Variants in ABR observed in about 807,000 individuals in gnomAD.
ABR encodes active breakpoint cluster region-related protein.
ABR carries 35 observed loss-of-function variants against 107.2 expected under a neutral mutation model. The observed-to-expected ratio is 0.33, with a 90% CI of 0.25 to 0.43. ABR has a LOEUF of 0.43. Ranked by LOEUF, ABR falls within the 20% of genes least tolerant of loss-of-function variation. ABR has a pLI of 1.00. For missense variants in ABR, 815 were observed against 1,115.2 expected (o/e 0.73, Z 3.83); for synonymous variants, 498 against 462.0 (o/e 1.08, Z -1.00).
rs185547756 is a variant in ABR at position 1,023,521 on chromosome 17, G to A, written c.1792-10357C>T. On this transcript the variant is annotated intron_variant, in intron 16 of 22. Transcript: ENST00000302538. ...GAGTGGCAAGGGCAGGGGCAGTGGG[G>A]CCCTCTTGAGAAAAGGAACAGGCCA... is the stretch of plus-strand genomic sequence containing the variant. 5.3e-4 allele frequency among the ~76,000 whole-genome samples: 79 copies of A among 148,272 alleles called. 1 individual carries two copies. Among genetic ancestry groups the A allele is most frequent in the Non-Finnish European group, 1.1e-3 (71 of 67,606 alleles).
chr17:1,029,310 G>C (rs77762115), intron 16 of ABR, among the ~76,000 whole-genome samples: 2 of 151,394 alleles, frequency 1.3e-5, no homozygotes, highest in African/African-American at 2.4e-5. Context: ...CAACCACAGG[G>C]ACCCCCGCTG....
At chr17:1,021,771 C>G (rs375205841) in intron 16 of ABR, among the ~76,000 whole-genome samples, 1 of 150,260 alleles carries the variant, frequency 6.7e-6, no homozygotes, top group South Asian at 2.1e-4. Context: ...GATTGTGCCA[C>G]TGCACTCCAG....
rs866917261 is a variant in ABR, at chr17:1,203,398, C to A, written c.838+25395G>T. Among the ~76,000 whole-genome samples the A allele has an allele frequency of 5.0e-3, 12 of 2,386 alleles. 3 individuals are homozygous for A. Among genetic ancestry groups the A allele is most frequent in the African/African-American group, 6.1e-3 (11 of 1,802 alleles). 1.6% of individuals were successfully genotyped at this position (2,386 alleles called of 152,430 possible). A position where few individuals can be genotyped will look rare whatever the true frequency, so the allele number is the denominator to read the frequency against. On this transcript the variant is annotated intron_variant, in intron 1 of 22. Transcript: ENST00000574139. ...GGCGGGGCCTTGAGGGGGCGGGGCC[C>A]GCGGGGGGCGGAGTCTGCGGGGGCG...
At chr17:1,024,156 T>C (rs959608828) in intron 16 of ABR, among the ~76,000 whole-genome samples, 2 of 151,674 alleles carry the variant, frequency 1.3e-5, no homozygotes, top group Admixed American at 6.6e-5. Context: ...GCTCCAGCAA[T>C]TCCAGGGCCC....
chr17:1,023,340 A>G (rs2071880266), intron 16 of ABR, among the ~76,000 whole-genome samples: 1 of 152,204 alleles, frequency 6.6e-6, no homozygotes, highest in Non-Finnish European at 1.5e-5. Flanking sequence ...CATCTCCCCC[A>G]GCGGCCTAGG....
In ABR at chr17:1,003,855, CTG is replaced by C. The variant is rs1207941845; in HGVS notation, c.*2223_*2224del. On this transcript the variant is annotated 3_prime_UTR_variant, in exon 23 of 23. Transcript: ENST00000302538. ...TCCTGACTCCTGCCGGGCGCAGTGACTGGAGGTTTCGGGCTGCATGGTCCCCG... is the reference window on the plus strand; with the variant it reads ...TCCTGACTCCTGCCGGGCGCAGTGACGAGGTTTCGGGCTGCATGGTCCCCG... The C allele has an allele frequency of 2.6e-5, 4 of 152,434 alleles. No individual in the cohort carries two copies. The highest frequency in any genetic ancestry group is 9.6e-5 in the African/African-American group (4 of 41,454). The allele number at this position is 152,434 out of a possible 1,614,324, so 9.4% of individuals were successfully genotyped here.
chr17:1,225,159 A>G (rs570701251), intron 1 of ABR, among the ~76,000 whole-genome samples: 7 of 143,544 alleles, frequency 4.9e-5, no homozygotes, highest in East Asian at 4.1e-4. Context: ...AAAAAAAAAA[A>G]AAAAGAAAAG....
At position 1,165,808 on chromosome 17, in the gene ABR, C is replaced by T. The variant is rs550228530; in HGVS notation, c.61+13859G>A. On this transcript the variant is annotated intron_variant, in intron 1 of 22. Coordinates refer to ENST00000302538, the MANE Select transcript of ABR (RefSeq NM_021962.5). ...TCAGCCTCCCAAAGTACTGGGATTA[C>T]AGGCGTGGGCCACCATGTCCAGCCC... 1.7e-4 allele frequency among the ~76,000 whole-genome samples: 26 copies of T among 152,344 alleles called. No individual in the cohort carries two copies. The East Asian group carries it at 5.0e-3, about 29-fold the overall frequency.
intron 1 of ABR, among the ~76,000 whole-genome samples, chr17:1,174,293 AC>A (rs1412542713): frequency 1.3e-5 from 2 of 152,328 alleles, no homozygotes; most frequent in South Asian, 2.1e-4. Context: ...GCCGGTGTTG[AC>A]AAAAAGGAAT....
intron 3 of ABR, among the ~76,000 whole-genome samples, chr17:1,094,966 C>G (rs1351944931): frequency 6.6e-6 from 1 of 152,228 alleles, no homozygotes; most frequent in African/African-American, 2.4e-5. Flanking sequence ...ACTCCCCACC[C>G]TCCATGAGGG....
Position 1,168,766 on chromosome 17 carries a change from C to T in ABR, c.61+10901G>A, listed in dbSNP as rs534100319. Among the ~76,000 whole-genome samples, 5 of 152,334 alleles carry T rather than the reference C, an allele frequency of 3.3e-5. No individual in the cohort carries two copies. In the East Asian group the frequency reaches 5.8e-4, roughly 18 times the overall value. On this transcript the variant is annotated intron_variant, in intron 1 of 22. Coordinates refer to ENST00000302538, the MANE Select transcript of ABR (RefSeq NM_021962.5). ...GCTGACCAGCTGCAGCAAGGTCCTCCGGCTAGAAGCAGCAGCTCTCCTGAC... is the reference window on the plus strand; with the variant it reads ...GCTGACCAGCTGCAGCAAGGTCCTCTGGCTAGAAGCAGCAGCTCTCCTGAC...
intron 1 of ABR, among the ~76,000 whole-genome samples, chr17:1,134,386 G>A (rs377575008): frequency 3.3e-5 from 5 of 151,576 alleles, no homozygotes; most frequent in Non-Finnish European, 5.9e-5. Context: ...CACTCCAGCC[G>A]GGGCAACAGA....
chr17:1,181,635 G>A (rs73975667), upstream of ABR, among the ~76,000 whole-genome samples: 3,253 of 152,290 alleles, frequency 0.021, 104 homozygotes, highest in African/African-American at 0.074. Flanking sequence ...ATAGAGCTTC[G>A]GCATGGGAAG....
At chr17:1,134,370 G>A (rs1230492606) in intron 1 of ABR, among the ~76,000 whole-genome samples, 1 of 151,988 alleles carries the variant, frequency 6.6e-6, no homozygotes, top group African/African-American at 2.4e-5. Context: ...TGAGATTGTA[G>A]CACTGCACTC....
chr17:1,070,175 G>A lies in ABR; in HGVS notation c.895-85C>T. 1 of 1,564,260 alleles carries A rather than the reference G, an allele frequency of 6.4e-7. No individual in the cohort carries two copies. Among genetic ancestry groups the A allele is most frequent in the Non-Finnish European group, 8.7e-7 (1 of 1,148,060 alleles). On this transcript the variant is annotated intron_variant, in intron 8 of 22. Transcript: ENST00000302538. The surrounding 1 kb of genome is among the most constrained non-coding windows in gnomAD (Gnocchi z 4.2). ...CTGCACACGGGGGCACGGCCAGCCAGGGAGGACTGGACCGAGAGGCGGCAT... is the reference window on the plus strand; with the variant it reads ...CTGCACACGGGGGCACGGCCAGCCAAGGAGGACTGGACCGAGAGGCGGCAT...
chr17:1,013,337 C>G lies in ABR; in HGVS notation c.1792-173G>C, dbSNP rs1282957855. ...AACCCTTTGGGGGGACCCTAGCCCC[C>G]AGGCCCCTGTGGCCGCCGTGGGGGA... is the stretch of plus-strand genomic sequence containing the variant. On this transcript the variant is annotated intron_variant, in intron 16 of 22. Coordinates refer to ENST00000302538, the MANE Select transcript of ABR (RefSeq NM_021962.5). The G allele has an allele frequency of 8.6e-6, 6 of 697,658 alleles. No homozygotes were observed. In the African/African-American group the frequency reaches 1.1e-4, roughly 13 times the overall value. 43.2% of individuals were successfully genotyped at this position (697,658 alleles called of 1,614,324 possible).
intron 1 of ABR, among the ~76,000 whole-genome samples, chr17:1,147,228 A>G (rs1376364949): frequency 6.6e-6 from 1 of 152,220 alleles, no homozygotes; most frequent in Non-Finnish European, 1.5e-5. Context: ...CAAATGGTGC[A>G]GTCTCCATCA....
intron 16 of ABR, among the ~76,000 whole-genome samples, chr17:1,039,227 G>A (rs1346214761): frequency 5.9e-5 from 9 of 152,266 alleles, no homozygotes; most frequent in South Asian, 2.1e-4. Context: ...GGGAGCGGGC[G>A]CCAAGCCTGC....
At chr17:1,022,903 G>A (rs763818677) in intron 16 of ABR, among the ~76,000 whole-genome samples, 1 of 152,264 alleles carries the variant, frequency 6.6e-6, no homozygotes, top group African/African-American at 2.4e-5. Context: ...TAGCAGCTCT[G>A]AACGACGCTT....
Sources: gnomAD v4.1 joint callset for allele counts (sites outside exome capture counted in the v4.1 genomes callset) on GRCh38, gnomAD v4.1.1 for gene constraint, Gnocchi (gnomAD v3.1) non-coding constraint, MANE v1.5 for transcripts, NCBI Gene and HGNC (gene_info 2026-07-23, HGNC 2026-07-21) for gene names.